The following XPO5 variants were observed in gnomAD, a reference collection of about 807,000 sequenced individuals.
XPO5 encodes exportin 5.
Under a neutral mutation model 160.6 loss-of-function variants are expected in XPO5, and 46 were observed. That is an observed-to-expected ratio of 0.29 (90% confidence interval 0.23 to 0.37). The LOEUF is 0.37. Ranked by LOEUF, XPO5 falls within the 10% of genes least tolerant of loss-of-function variation. XPO5 has a pLI of 1.00. For missense variants in XPO5, 1,090 were observed against 1,463.9 expected (o/e 0.74, Z 4.17); for synonymous variants, 537 against 519.3 (o/e 1.03, Z -0.46).
intron 28 of XPO5, 102 bp downstream of exon 28, chr6:43,525,737 A>G: frequency 1.7e-6 from 2 of 1,207,774 alleles, no homozygotes; most frequent in Non-Finnish European, 2.3e-6. Flanking sequence ...GTAACAAAGG[A>G]GTATTACAAA....
chr6:43,525,365 T>C (rs1793511553), intron 28 of XPO5, 151 bp from the exon 29 acceptor site: 4 of 704,854 alleles, frequency 5.7e-6, no homozygotes, highest in African/African-American at 3.6e-5. Flanking sequence ...CCTGAACTCC[T>C]GGGCTCAAGC....
intron 18 of XPO5, 105 bp from the exon 19 acceptor site, chr6:43,547,812 TTTTATA>T (rs1351272044): frequency 7.2e-5 from 65 of 898,460 alleles, no homozygotes; most frequent in Non-Finnish European, 1.1e-4. Flanking sequence ...TAAGAGCAGT[TTTTATA>T]GTGAGAGGAG....
chr6:43,573,408 T>C (rs920364658), intron 2 of XPO5, 72 bp downstream of exon 2: 1 of 1,577,768 alleles, frequency 6.3e-7, no homozygotes, highest in South Asian at 1.1e-5. Flanking sequence ...CTAAACAGCA[T>C]CTCTATAGGT....
At chr6:43,532,717 C>G (rs1224108324) in intron 21 of XPO5, among the ~76,000 whole-genome samples, 1 of 152,220 alleles carries the variant, frequency 6.6e-6, no homozygotes, top group African/African-American at 2.4e-5. Flanking sequence ...CCCTCTGAGA[C>G]TGGGTTAGGT....
rs374012350 is a variant in XPO5 at position 43,548,316 on chromosome 6, G to C, written c.2005C>G (p.Leu669Val). 6.2e-7 allele frequency: 1 copy of C among 1,613,394 alleles called. No homozygotes were observed. Residue 669 changes from leucine (L) to valine (V), a missense_variant, in exon 18 of 32, where the codon CTA becomes GTA. Around this residue, in one of 3 missense-constraint regions of XPO5, gnomAD observed 810 missense variants for 1,139.0 expected, o/e 0.71. Transcript: ENST00000265351. ...FKNYERQKVF[L>V]EELMAPVASI... is the part of the protein sequence containing the mutation. ...GCCACTGGTGCCATCAGCTCCTCTA[G>C]GAACACCTTCTGACGCTCGTAGTTC... is the stretch of plus-strand genomic sequence containing the variant.
In XPO5 at chr6:43,524,943, T is replaced by G; in HGVS notation, c.3200A>C (p.Asp1067Ala). ...ACTGGTGAAAAGCCACGTAACTGCA[T>G]CTGCGAGCAGTGTCCCTGACAGCAC... ...KQVLSGTLLADAVTWLFTSVL... is the reference protein window; with the variant it reads ...KQVLSGTLLAAAVTWLFTSVL... The change falls in exon 30 of 32, where the codon GAT becomes GCT. Residue 1067 changes from aspartate to alanine, a missense_variant. Asp to Ala is a moderately radical substitution (Grantham distance 126, BLOSUM62 -2). Coordinates refer to ENST00000265351, the MANE Select transcript of XPO5 (RefSeq NM_020750.3). The G allele has an allele frequency of 1.2e-6, 2 of 1,613,770 alleles. No homozygotes were observed. Among genetic ancestry groups the G allele is most frequent in the Non-Finnish European group, 1.7e-6 (2 of 1,179,862 alleles).
At chr6:43,540,145 T>C (rs751485650) in intron 20 of XPO5, among the ~76,000 whole-genome samples, 5 of 151,856 alleles carry the variant, frequency 3.3e-5, no homozygotes, top group Non-Finnish European at 7.4e-5. Context: ...ACCCCAGTAC[T>C]TTGAGAGGCC....
At chr6:43,524,035 G>A (rs1245488841) in intron 31 of XPO5, 30 bp from the exon 32 acceptor site, 3 of 1,604,994 alleles carry the variant, frequency 1.9e-6, no homozygotes, top group Non-Finnish European at 2.5e-6. Context: ...AAGAATTAAT[G>A]CTGGGCCCTC....
intron 25 of XPO5, 103 bp downstream of exon 25, chr6:43,528,056 G>T: frequency 1.7e-6 from 2 of 1,192,294 alleles, no homozygotes; most frequent in Non-Finnish European, 2.4e-6. Flanking sequence ...ACAACCTACT[G>T]CTCTTCTACC....
intron 2 of XPO5, among the ~76,000 whole-genome samples, 163 bp from the exon 3 acceptor site, chr6:43,572,741 A>C (rs1336676569): frequency 6.6e-6 from 1 of 152,252 alleles, no homozygotes; most frequent in Non-Finnish European, 1.5e-5. Context: ...ATCTACATTT[A>C]ACCAAAATAC....
rs150428815 is a variant in XPO5, at chr6:43,532,997, T to C, written c.2443+910A>G. ...CTGTCTCTACTAAAAATACAAAAAA[T>C]TAGCCGGGTGTGATGGTGCATGCCT... On this transcript the variant is annotated intron_variant, in intron 21 of 31. Transcript: ENST00000265351. Among the ~76,000 whole-genome samples, 82 of 152,012 alleles carry C rather than the reference T, an allele frequency of 5.4e-4. 2 individuals carry two copies. In the East Asian group the frequency reaches 0.015, roughly 27 times the overall value.
intron 20 of XPO5, among the ~76,000 whole-genome samples, chr6:43,541,126 GT>G (rs1428508850): frequency 8.5e-5 from 13 of 152,056 alleles, no homozygotes; most frequent in Non-Finnish European, 1.9e-4. Context: ...TGGGTTAGGG[GT>G]AAGGTAGGGA....
At chr6:43,565,376 G>A (rs537755643) in intron 8 of XPO5, among the ~76,000 whole-genome samples, 17 of 152,028 alleles carry the variant, frequency 1.1e-4, no homozygotes, top group Admixed American at 6.5e-4. Context: ...AGACCAGAGC[G>A]GTCAGCACGG....
At position 43,547,592 on chromosome 6, in the gene XPO5, C is replaced by T; in HGVS notation, c.2160+16G>A. On this transcript the variant is annotated intron_variant, in intron 19 of 31. Transcript: ENST00000265351. ...CCCATGGCCAATGCCACTTCCCATT[C>T]CCAGGAAAGTCTTACTCGTGCACGG... 1.9e-6 allele frequency: 3 copies of T among 1,611,788 alleles called. No homozygotes were observed. Among genetic ancestry groups the T allele is most frequent in the Non-Finnish European group, 2.5e-6 (3 of 1,177,864 alleles).
intron 13 of XPO5, 93 bp from the exon 14 acceptor site, chr6:43,553,596 C>T: frequency 1.4e-6 from 2 of 1,467,070 alleles, no homozygotes; most frequent in Non-Finnish European, 1.8e-6. Flanking sequence ...GACAATGGAG[C>T]CTTAGAGAAC....
chr6:43,543,092 G>A (rs143835155), intron 20 of XPO5, among the ~76,000 whole-genome samples: 29 of 152,242 alleles, frequency 1.9e-4, no homozygotes, highest in African/African-American at 6.5e-4. Flanking sequence ...AATATTGAGC[G>A]AAAGGAAGGC....
At position 43,563,683 on chromosome 6, in the gene XPO5, T is replaced by C. The variant is rs113578232; in HGVS notation, c.912-1337A>G. Among the ~76,000 whole-genome samples the C allele has an allele frequency of 3.7e-4, 57 of 152,342 alleles. 1 individual carries two copies. Among genetic ancestry groups the C allele is most frequent in the Middle Eastern group, 3.4e-3 (1 of 294 alleles). Reference sequence around the variant, plus strand: ...TATAGCATGTTACCGTAGCCAATACTGCAGGCAACTGTAACACAATGGTAA... The same window carrying C: ...TATAGCATGTTACCGTAGCCAATACCGCAGGCAACTGTAACACAATGGTAA... On this transcript the variant is annotated intron_variant, in intron 8 of 31. Coordinates refer to ENST00000265351, the MANE Select transcript of XPO5 (RefSeq NM_020750.3).
At chr6:43,574,290 T>A (rs150514191) in intron 1 of XPO5, among the ~76,000 whole-genome samples, 20 of 152,056 alleles carry the variant, frequency 1.3e-4, no homozygotes, top group African/African-American at 4.8e-4. Context: ...ACAACCAGAG[T>A]GAGACCCTAC....
At position 43,523,685 on chromosome 6, in the gene XPO5, A is replaced by G; in HGVS notation, c.*183T>C. On this transcript the variant is annotated 3_prime_UTR_variant, in exon 32 of 32. Coordinates refer to ENST00000265351, the MANE Select transcript of XPO5 (RefSeq NM_020750.3). ...TTAAGCCCTAACTCCCTTTCTTGAT[A>G]CTTTAGTATAATTACTTCTGGTCCT... The G allele has an allele frequency of 1.1e-6, 1 of 929,314 alleles. No homozygotes were observed. Among genetic ancestry groups the G allele is most frequent in the Non-Finnish European group, 1.8e-6 (1 of 556,914 alleles). The allele number at this position is 929,314 out of a possible 1,614,324, so 57.6% of individuals were successfully genotyped here. A position where few individuals can be genotyped will look rare whatever the true frequency, so the allele number is the denominator to read the frequency against.
Sources: gnomAD v4.1 joint callset for allele counts (sites outside exome capture counted in the v4.1 genomes callset) on GRCh38, gnomAD v4.1.1 for gene constraint, gnomAD v4.1.1 regional missense constraint, MANE v1.5 for transcripts, NCBI Gene and HGNC (gene_info 2026-07-23, HGNC 2026-07-21) for gene names.